NCAM2: variants seen among roughly 807,000 people sequenced by gnomAD.
NCAM2 encodes N-CAM-2.
Under a neutral mutation model 98.1 loss-of-function variants are expected in NCAM2, and 30 were observed. The observed-to-expected ratio is 0.31, with a 90% confidence interval of 0.23 to 0.41. The LOEUF is 0.41. Among genes scored for constraint, NCAM2 ranks in the 10% least tolerant of loss-of-function variants. NCAM2 has a pLI of 1.00. For synonymous variants in NCAM2, 368 were observed against 342.4 expected, an observed-to-expected ratio of 1.07 and a Z score of -0.83; for missense variants, 867 against 1,005.8, an observed-to-expected ratio of 0.86 and a Z score of 1.87.
chr21:21,217,288 C>T lies in NCAM2; in HGVS notation c.56-63290C>T, dbSNP rs2069942532. On this transcript the variant is annotated intron_variant, in intron 1 of 17. Coordinates refer to ENST00000400546, the MANE Select transcript of NCAM2 (RefSeq NM_004540.5). ...GCTTAGGTAAATTACGTATAGTGGT[C>T]TAAGTCTGTGCACAAACCCCAGAGC... 2.6e-5 allele frequency among the ~76,000 whole-genome samples: 4 copies of T among 152,126 alleles called. No individual in the cohort carries two copies. The South Asian group carries it at 8.3e-4, about 31-fold the overall frequency.
chr21:21,265,478 T>A (rs534516284), intron 1 of NCAM2, among the ~76,000 whole-genome samples: 35 of 138,894 alleles, frequency 2.5e-4, no homozygotes, highest in African/African-American at 5.4e-4. Flanking sequence ...TGTATATATA[T>A]TATATATACA....
chr21:21,250,156 A>G (rs2071420529), intron 1 of NCAM2, among the ~76,000 whole-genome samples: 1 of 152,236 alleles, frequency 6.6e-6, no homozygotes. Context: ...GGGAATTTCA[A>G]GCACCACTGA....
At chr21:21,133,856 G>A (rs1024710597) in intron 1 of NCAM2, among the ~76,000 whole-genome samples, 3 of 152,114 alleles carry the variant, frequency 2.0e-5, no homozygotes, top group African/African-American at 2.4e-5. Flanking sequence ...TACCCATAGA[G>A]AAAACAATCC....
chr21:21,120,929 G>A (rs1601422137), intron 1 of NCAM2, among the ~76,000 whole-genome samples: 1 of 152,072 alleles, frequency 6.6e-6, no homozygotes, highest in African/African-American at 2.4e-5. Flanking sequence ...TCTTGACCAG[G>A]CTGGTCTTGA....
chr21:21,256,422 G>A (rs555826811), intron 1 of NCAM2, among the ~76,000 whole-genome samples: 16 of 152,160 alleles, frequency 1.1e-4, no homozygotes, highest in African/African-American at 3.4e-4. Context: ...ACACTACTGG[G>A]GACCAGGCTA....
chr21:21,031,845 C>G (rs1298399166), intron 1 of NCAM2, among the ~76,000 whole-genome samples: 1 of 151,810 alleles, frequency 6.6e-6, no homozygotes, highest in African/African-American at 2.4e-5. Context: ...CACACGTGTG[C>G]TTGTGCAATG....
At chr21:21,458,927 T>C (rs1326137167) in intron 12 of NCAM2, among the ~76,000 whole-genome samples, 2 of 152,034 alleles carry the variant, frequency 1.3e-5, no homozygotes, top group Non-Finnish European at 2.9e-5. Context: ...AAATAGGAGA[T>C]CATATTTGTC....
chr21:21,240,769 C>A (rs1036621453), intron 1 of NCAM2, among the ~76,000 whole-genome samples: 6 of 152,096 alleles, frequency 3.9e-5, no homozygotes, highest in Non-Finnish European at 7.4e-5. Flanking sequence ...AGTAAAAATT[C>A]TTCAGGATTT....
At chr21:21,434,367 C>T (rs1602331162) in intron 12 of NCAM2, among the ~76,000 whole-genome samples, 1 of 152,116 alleles carries the variant, frequency 6.6e-6, no homozygotes, top group Non-Finnish European at 1.5e-5. Flanking sequence ...TAAAAGCTTG[C>T]GAATGAGAAT....
chr21:21,475,519 G>A lies in NCAM2; in HGVS notation c.1897-1772G>A, dbSNP rs866916251. On this transcript the variant is annotated intron_variant, in intron 14 of 17. Transcript: ENST00000400546. ...GTGTTGTGATAGCTGTGGCTTTTTA[G>A]CATAGCTGCCCTAAGCATTTCAAAA... is the stretch of plus-strand genomic sequence containing the variant. Among the ~76,000 whole-genome samples the A allele has an allele frequency of 1.1e-4, 16 of 152,262 alleles. No individual in the cohort carries two copies. The East Asian group carries it at 1.2e-3, about 11-fold the overall frequency.
rs117045796 is a variant in NCAM2 at position 21,013,337 on chromosome 21, G to A, written c.55+14719G>A. On this transcript the variant is annotated intron_variant, in intron 1 of 17. Transcript: ENST00000400546. ...ATATGGAGAAAGTTTTACTGGTTTG[G>A]ATAGAAGAGCAAACTAGCCACAATA... Among the ~76,000 whole-genome samples the A allele has an allele frequency of 7.2e-4, 109 of 152,294 alleles. 2 individuals carry two copies. In the East Asian group the frequency reaches 0.015, roughly 21 times the overall value.
intron 5 of NCAM2, among the ~76,000 whole-genome samples, chr21:21,318,946 A>C (rs1030136193): frequency 6.6e-6 from 1 of 152,200 alleles, no homozygotes; most frequent in Non-Finnish European, 1.5e-5. Context: ...GAAAGAAAAA[A>C]TATTGAAATA....
chr21:21,443,241 A>C (rs1344306158), intron 12 of NCAM2, among the ~76,000 whole-genome samples: 1 of 152,144 alleles, frequency 6.6e-6, no homozygotes, highest in Non-Finnish European at 1.5e-5. Flanking sequence ...ACACATGGAC[A>C]GAGGGAGGGG....
chr21:21,241,036 T>C (rs2147237308), intron 1 of NCAM2, among the ~76,000 whole-genome samples: 1 of 152,286 alleles, frequency 6.6e-6, no homozygotes, highest in South Asian at 2.1e-4. Context: ...GACAATATCA[T>C]AGTGATTTGA....
intron 15 of NCAM2, among the ~76,000 whole-genome samples, chr21:21,492,527 A>G (rs534155142): frequency 1.9e-4 from 29 of 152,020 alleles, no homozygotes; most frequent in Non-Finnish European, 3.2e-4. Context: ...ATGAATATCA[A>G]ATTAAATTTT....
At chr21:21,247,809 T>C (rs1404182539) in intron 1 of NCAM2, among the ~76,000 whole-genome samples, 5 of 152,222 alleles carry the variant, frequency 3.3e-5, no homozygotes, top group Non-Finnish European at 7.3e-5. Context: ...GGAATCAATT[T>C]ATCTGAATGA....
chr21:21,004,660 CTAAG>C (rs1186462968), intron 1 of NCAM2, among the ~76,000 whole-genome samples: 3 of 152,012 alleles, frequency 2.0e-5, no homozygotes, highest in Non-Finnish European at 4.4e-5. Flanking sequence ...TAATTAAACA[CTAAG>C]TAGTCTGAGT....
At chr21:21,395,480 A>G (rs868025980) in intron 9 of NCAM2, among the ~76,000 whole-genome samples, 1 of 152,254 alleles carries the variant, frequency 6.6e-6, no homozygotes, top group Non-Finnish European at 1.5e-5. Flanking sequence ...AATTCTCATC[A>G]AAATAACACC....
intron 1 of NCAM2, among the ~76,000 whole-genome samples, chr21:21,227,899 T>C (rs1278602697): frequency 6.6e-6 from 1 of 151,804 alleles, no homozygotes; most frequent in African/African-American, 2.4e-5. Flanking sequence ...TCTTTTATGA[T>C]TGTTAAGTAA....
Sources: gnomAD v4.1 joint callset for allele counts (sites outside exome capture counted in the v4.1 genomes callset) on GRCh38, gnomAD v4.1.1 for gene constraint, MANE v1.5 for transcripts, NCBI Gene and HGNC (gene_info 2026-07-23, HGNC 2026-07-21) for gene names.